The following ASIC2 variants were observed in gnomAD, a reference collection of about 807,000 sequenced individuals.
The protein encoded by ASIC2 is acid-sensing ion channel 2.
ASIC2 carries 25 observed loss-of-function variants against 57.3 expected under a neutral mutation model. That is an observed-to-expected ratio of 0.44 (90% CI 0.32 to 0.61). ASIC2 has a LOEUF of 0.61. ASIC2 is among the 20% of genes least tolerant of loss of function. The pLI is 0.06. For synonymous variants in ASIC2, 319 were observed against 307.5 expected (o/e 1.04, Z -0.39); for missense variants, 641 against 738.1 (o/e 0.87, Z 1.52).
chr17:33,409,873 G>T (rs933236895), intron 1 of ASIC2, among the ~76,000 whole-genome samples: 1 of 152,164 alleles, frequency 6.6e-6, no homozygotes, highest in African/African-American at 2.4e-5. Flanking sequence ...GCACTGTTTG[G>T]CTTGATTCAG....
chr17:33,603,860 G>T (rs1398420405), intron 1 of ASIC2, among the ~76,000 whole-genome samples: 1 of 152,122 alleles, frequency 6.6e-6, no homozygotes, highest in African/African-American at 2.4e-5. Context: ...GCCCCAGGCT[G>T]ATAACAAGTC....
intron 2 of ASIC2, among the ~76,000 whole-genome samples, chr17:33,096,158 T>C (rs943924854): frequency 1.3e-5 from 2 of 152,224 alleles, no homozygotes; most frequent in African/African-American, 4.8e-5. Context: ...TACAGGAACA[T>C]TTTTCTTATT....
intron 1 of ASIC2, among the ~76,000 whole-genome samples, chr17:33,422,863 T>A (rs1303309262): frequency 6.6e-6 from 1 of 151,944 alleles, no homozygotes. Flanking sequence ...TATACCCGGG[T>A]GATGATCTCT....
At chr17:34,121,596 C>G (rs1445066873) in intron 1 of ASIC2, among the ~76,000 whole-genome samples, 1 of 152,156 alleles carries the variant, frequency 6.6e-6, no homozygotes, top group Non-Finnish European at 1.5e-5. Flanking sequence ...TTTGAAATAT[C>G]AATCTCATCA....
At chr17:33,426,216 G>A (rs1911215481) in intron 1 of ASIC2, among the ~76,000 whole-genome samples, 1 of 152,182 alleles carries the variant, frequency 6.6e-6, no homozygotes, top group Non-Finnish European at 1.5e-5. Context: ...TAGCCCAATG[G>A]TTTGGGGGAT....
In ASIC2 at chr17:34,127,481, T is replaced by C. The variant is rs542262162; in HGVS notation, c.555+28497A>G. On this transcript the variant is annotated intron_variant, in intron 1 of 9. Transcript: ENST00000359872. ...CCCACAGCCAGAGTTTCAATTTAGT[T>C]GTGGATGCATCCCCTTTCTCTTCCC... 3.2e-3 allele frequency among the ~76,000 whole-genome samples: 492 copies of C among 152,346 alleles called. 4 individuals carry two copies. Among genetic ancestry groups the C allele is most frequent in the African/African-American group, 0.011 (473 of 41,576 alleles).
At chr17:33,374,678 T>C (rs1909213271) in intron 1 of ASIC2, among the ~76,000 whole-genome samples, 1 of 152,216 alleles carries the variant, frequency 6.6e-6, no homozygotes, top group Non-Finnish European at 1.5e-5. Flanking sequence ...TCTCTCAGCA[T>C]AGTAGTAGAC....
At chr17:33,560,448 GA>G (rs1662925434) in intron 1 of ASIC2, among the ~76,000 whole-genome samples, 1 of 152,214 alleles carries the variant, frequency 6.6e-6, no homozygotes, top group Non-Finnish European at 1.5e-5. Context: ...GGAAATTTTA[GA>G]TAAGGAAAAT....
intron 1 of ASIC2, among the ~76,000 whole-genome samples, chr17:33,523,023 G>A (rs1914788636): frequency 6.6e-6 from 1 of 152,216 alleles, no homozygotes; most frequent in East Asian, 1.9e-4. Flanking sequence ...TGGGTGACAA[G>A]AAGTGTCAGG....
At chr17:33,210,479 C>T (rs1306206823) in intron 1 of ASIC2, among the ~76,000 whole-genome samples, 2 of 152,204 alleles carry the variant, frequency 1.3e-5, no homozygotes, top group Admixed American at 1.3e-4. Flanking sequence ...ATCCCCTCCA[C>T]CCCCCAACCC....
At chr17:33,674,128 C>T (rs570899442) in intron 1 of ASIC2, among the ~76,000 whole-genome samples, 18 of 152,088 alleles carry the variant, frequency 1.2e-4, no homozygotes, top group Non-Finnish European at 2.2e-4. Context: ...CTCTCGACTT[C>T]GTGATCCGCC....
At chr17:33,965,088 C>T (rs906812566) in intron 1 of ASIC2, among the ~76,000 whole-genome samples, 4 of 151,966 alleles carry the variant, frequency 2.6e-5, no homozygotes, top group Admixed American at 2.0e-4. Flanking sequence ...TCTATGGGGC[C>T]GTGAAAAATG....
intron 1 of ASIC2, among the ~76,000 whole-genome samples, chr17:33,307,176 A>G (rs1906212717): frequency 6.6e-6 from 1 of 152,102 alleles, no homozygotes; most frequent in Non-Finnish European, 1.5e-5. Flanking sequence ...CAACACTATG[A>G]CTTTGAACTT....
chr17:33,437,915 A>C (rs1321073864), intron 1 of ASIC2, among the ~76,000 whole-genome samples: 1 of 152,246 alleles, frequency 6.6e-6, no homozygotes, highest in Non-Finnish European at 1.5e-5. Flanking sequence ...GAGATTATCC[A>C]ATGACTAGGT....
intron 1 of ASIC2, among the ~76,000 whole-genome samples, chr17:33,506,271 G>A (rs972143703): frequency 4.0e-5 from 6 of 151,696 alleles, no homozygotes; most frequent in Non-Finnish European, 5.9e-5. Context: ...AAATTAGCTG[G>A]GTGTGGTGGC....
At chr17:33,201,515 G>A (rs73279756) in intron 1 of ASIC2, among the ~76,000 whole-genome samples, 3,573 of 152,260 alleles carry the variant, frequency 0.023, 129 homozygotes, top group African/African-American at 0.081. Context: ...ACATCTAAAC[G>A]TTACCACCCC....
chr17:33,632,993 G>A (rs1906223446), intron 1 of ASIC2, among the ~76,000 whole-genome samples: 1 of 152,238 alleles, frequency 6.6e-6, no homozygotes, highest in Non-Finnish European at 1.5e-5. Flanking sequence ...AGAAGACCCA[G>A]AAGCTCTCTT....
At chr17:33,383,462 G>T (rs914832962) in intron 1 of ASIC2, among the ~76,000 whole-genome samples, 8 of 152,170 alleles carry the variant, frequency 5.3e-5, no homozygotes, top group African/African-American at 1.7e-4. Flanking sequence ...CCAAGAAATG[G>T]ATACGCAGAA....
intron 1 of ASIC2, among the ~76,000 whole-genome samples, chr17:33,472,249 A>G (rs968307190): frequency 1.3e-5 from 2 of 151,878 alleles, no homozygotes; most frequent in African/African-American, 4.8e-5. Context: ...CGAACTCCTG[A>G]CCCCAGGTGA....
Sources: gnomAD v4.1 joint callset for allele counts (sites outside exome capture counted in the v4.1 genomes callset) on GRCh38, gnomAD v4.1.1 for gene constraint, MANE v1.5 for transcripts, NCBI Gene and HGNC (gene_info 2026-07-23, HGNC 2026-07-21) for gene names.